Variants in USP9Y observed in about 807,000 individuals in gnomAD.
The protein encoded by USP9Y is ubiquitin carboxyl-terminal hydrolase 9Y.
In USP9Y, 41 loss-of-function variants were observed where a neutral mutation model predicts 53.1. The observed-to-expected ratio is 0.77, with a 90% CI of 0.60 to 1.00. The LOEUF (loss-of-function observed/expected upper bound fraction) is 1.00, where lower values mean the gene tolerates loss of function less well. Ranked by LOEUF, USP9Y falls within the 50% of genes least tolerant of loss-of-function variation. USP9Y has a pLI of 0.00. For missense variants in USP9Y, 567 were observed against 535.8 expected (o/e 1.06, Z -0.58); for synonymous variants, 220 against 173.7 (o/e 1.27, Z -2.09).
rs201764459 is a variant in USP9Y at position 12,800,786 on chromosome Y, CA to C, written c.3983+7590del. Reference sequence around the variant, plus strand: ...TAAAAGAAATTAAAGAGTGTGTAAGCAAAAACTCAGTTGTATGTAAGAAAAC... The same window carrying C: ...TAAAAGAAATTAAAGAGTGTGTAAGCAAAACTCAGTTGTATGTAAGAAAAC... On this transcript the variant is annotated intron_variant, in intron 27 of 45. Transcript: ENST00000338981. Among the ~76,000 whole-genome samples the C allele has an allele frequency of 2.0e-3, 66 of 33,466 alleles. No homozygotes were observed. The East Asian group carries it at 0.05, about 25-fold the overall frequency. The allele number at this position is 33,466 out of a possible 37,273, so 89.8% of individuals were successfully genotyped here.
Position 12,833,760 on chromosome Y carries a change from T to C in USP9Y, c.5094T>C (p.Ser1698=). The C allele has an allele frequency of 2.5e-6, 1 of 398,123 alleles. No individual in the cohort carries two copies. The highest frequency in any genetic ancestry group is 3.5e-6 in the Non-Finnish European group (1 of 283,072). ...AGTTTTTTAATTCTTTGGTGGATAG[T>C]TTAGATGAAGCTTTAAAAGCTTTAG... The part of the protein sequence containing the change: ...ALEFFNSLVD[S]LDEALKALGH... The change falls in exon 34 of 46, where the codon AGT becomes AGC. Residue 1698 remains serine, a synonymous_variant. Coordinates refer to ENST00000338981, the MANE Select transcript of USP9Y (RefSeq NM_004654.4).
intron 12 of USP9Y, among the ~76,000 whole-genome samples, chrY:12,743,007 A>G (rs9786873): frequency 0.15 from 5,009 of 32,450 alleles, no homozygotes; most frequent in African/African-American, 0.6. Flanking sequence ...TTTTGCTTTT[A>G]CTTTAAACAT....
At chrY:12,804,632 G>C in intron 27 of USP9Y, among the ~76,000 whole-genome samples, 1 of 33,393 alleles carries the variant, frequency 3.0e-5, no homozygotes, top group African/African-American at 1.2e-4. Context: ...ATTTCTGTTT[G>C]ACAGTTTATC....
chrY:12,804,813 C>T (rs999345439), intron 27 of USP9Y, among the ~76,000 whole-genome samples: 1 of 32,310 alleles, frequency 3.1e-5, no homozygotes, highest in African/African-American at 1.2e-4. Context: ...ACAAAAATTG[C>T]CAGGCTTAGT....
chrY:12,735,252 G>A (rs2053450502), intron 7 of USP9Y, among the ~76,000 whole-genome samples: 1 of 31,745 alleles, frequency 3.2e-5, no homozygotes, highest in Non-Finnish European at 7.6e-5. Flanking sequence ...TTCTGAAGTC[G>A]TTAATTCATA....
At chrY:12,790,383 C>T (rs776340179) in intron 24 of USP9Y, 24 bp from the exon 25 acceptor site, 35 of 395,186 alleles carry the variant, frequency 8.9e-5, no homozygotes, top group South Asian at 1.5e-4. Context: ...TTTCATTTGA[C>T]GTAAAATGAT....
intron 7 of USP9Y, among the ~76,000 whole-genome samples, chrY:12,731,275 G>A: frequency 3.1e-5 from 1 of 32,473 alleles, no homozygotes; most frequent in Non-Finnish European, 7.5e-5. Flanking sequence ...TTTAAAAAAT[G>A]TACTCACCTT....
chrY:12,795,662 G>A (rs2053512182), intron 27 of USP9Y, among the ~76,000 whole-genome samples: 1 of 33,096 alleles, frequency 3.0e-5, no homozygotes, highest in Non-Finnish European at 7.4e-5. Flanking sequence ...GATTACATGC[G>A]AAACAAAGTT....
intron 42 of USP9Y, among the ~76,000 whole-genome samples, chrY:12,852,446 C>T (rs2053572063): frequency 9.1e-5 from 3 of 32,885 alleles, no homozygotes; most frequent in Non-Finnish European, 1.5e-4. Context: ...AGCTTCCTTG[C>T]GATGGTTTCG....
At chrY:12,738,761 T>C (rs2053454374) in intron 11 of USP9Y, among the ~76,000 whole-genome samples, 1 of 33,207 alleles carries the variant, frequency 3.0e-5, no homozygotes. Context: ...AGGATGGTCT[T>C]GATCTCCTGA....
rs371382031 is a variant in USP9Y at position 12,765,710 on chromosome Y, T to G, written c.1900+5093T>G. Reference sequence around the variant, plus strand: ...ATCCCCACCCAGTCTGTGGAAAAATTTCTTCCAAGAAACTTGTCCCTGGTG... The same window carrying G: ...ATCCCCACCCAGTCTGTGGAAAAATGTCTTCCAAGAAACTTGTCCCTGGTG... On this transcript the variant is annotated intron_variant, in intron 15 of 45. Coordinates refer to ENST00000338981, the MANE Select transcript of USP9Y (RefSeq NM_004654.4). 4.7e-3 allele frequency among the ~76,000 whole-genome samples: 158 copies of G among 33,351 alleles called. No homozygotes were observed. The South Asian group carries it at 0.072, about 15-fold the overall frequency. 89.5% of individuals were successfully genotyped at this position (33,351 alleles called of 37,273 possible).
At chrY:12,720,491 A>T in intron 3 of USP9Y, 98 bp from the exon 4 acceptor site, 1 of 213,585 alleles carries the variant, frequency 4.7e-6, no homozygotes, top group African/African-American at 8.2e-5. Context: ...TTGTGACCCT[A>T]GTTTTATTAA....
At chrY:12,735,955 A>G (rs1405503399) in intron 8 of USP9Y, 43 bp from the exon 9 acceptor site, 2 of 394,352 alleles carry the variant, frequency 5.1e-6, no homozygotes, top group Non-Finnish European at 7.1e-6. Context: ...GTTCTTTTAA[A>G]AAACATGAAT....
intron 12 of USP9Y, among the ~76,000 whole-genome samples, chrY:12,741,597 T>G: frequency 3.0e-5 from 1 of 33,712 alleles, no homozygotes. Context: ...AGTCCCATGG[T>G]TATGAGATTC....
intron 27 of USP9Y, among the ~76,000 whole-genome samples, chrY:12,804,683 C>T: frequency 3.0e-5 from 1 of 33,273 alleles, no homozygotes; most frequent in Non-Finnish European, 7.4e-5. Flanking sequence ...GCTTTCTGGC[C>T]TCTGAGGTGT....
At chrY:12,715,278 TA>T (rs2053429518) in intron 3 of USP9Y, among the ~76,000 whole-genome samples, 3 of 28,331 alleles carry the variant, frequency 1.1e-4, no homozygotes, top group East Asian at 8.8e-4. Flanking sequence ...AGGGAAAGGT[TA>T]AAAAAAAAAT....
intron 24 of USP9Y, 118 bp downstream of exon 24, chrY:12,786,918 G>A (rs2053503085): frequency 6.8e-6 from 1 of 146,410 alleles, no homozygotes; most frequent in African/African-American, 9.1e-5. Flanking sequence ...AGTAGATGAT[G>A]GAAATAATTC....
At chrY:12,796,978 A>C in intron 27 of USP9Y, among the ~76,000 whole-genome samples, 1 of 33,311 alleles carries the variant, frequency 3.0e-5, no homozygotes, top group African/African-American at 1.2e-4. Context: ...TCTCAGCCTT[A>C]TTTTACCTAG....
intron 21 of USP9Y, among the ~76,000 whole-genome samples, chrY:12,778,992 T>C: frequency 3.0e-5 from 1 of 33,102 alleles, no homozygotes; most frequent in Non-Finnish European, 7.5e-5. Context: ...TACTACTATA[T>C]TTTCAGTCTT....
Sources: allele counts gnomAD v4.1 joint callset (sites outside exome capture counted in the v4.1 genomes callset), GRCh38; gene constraint gnomAD v4.1.1; transcripts MANE v1.5; gene names NCBI Gene and HGNC (gene_info 2026-07-23, HGNC 2026-07-21).